SEC22B: variants seen among roughly 807,000 people sequenced by gnomAD.
The protein encoded by SEC22B is SEC22 homolog B, vesicle trafficking protein, also known as vesicle-trafficking protein SEC22b.
A neutral mutation model predicts 31.4 loss-of-function variants in SEC22B; 10 were observed. That is an observed-to-expected ratio of 0.32 (90% CI 0.20 to 0.54). SEC22B has a LOEUF of 0.54. Among genes scored for constraint, SEC22B ranks in the 20% least tolerant of loss-of-function variants. The pLI is 0.94. For synonymous variants in SEC22B, 60 were observed against 95.9 expected (o/e 0.63, Z 2.19); for missense variants, 130 against 263.4 (o/e 0.49, Z 3.50).
intron 2 of SEC22B, among the ~76,000 whole-genome samples, chr1:120,164,835 T>C (rs1398415623): frequency 1.3e-5 from 2 of 152,088 alleles, no homozygotes; most frequent in East Asian, 1.9e-4. Context: ...GAAAAATCTC[T>C]AAACTGCTTT....
intron 3 of SEC22B, 123 bp from the exon 4 acceptor site, chr1:120,160,653 G>T (rs1417602496): frequency 3.9e-5 from 23 of 584,804 alleles, no homozygotes; most frequent in Non-Finnish European, 5.3e-5. Context: ...ACTTTGGGAG[G>T]CCAAGGCAGG....
At chr1:120,166,391 T>A (rs1223491704) in intron 2 of SEC22B, among the ~76,000 whole-genome samples, 1 of 98,380 alleles carries the variant, frequency 1.0e-5, no homozygotes, top group East Asian at 2.8e-4. Flanking sequence ...TTTAAAAGTG[T>A]TTTTTACACA....
At position 120,176,294 on chromosome 1, in the gene SEC22B, G is replaced by A; in HGVS notation, c.75+13C>T. ...AGAGACTTGGGGTCGCGGGTCGTGA[G>A]TAAGCAGCTCACCTGTTCGTCCTCC... is the stretch of plus-strand genomic sequence containing the variant. On this transcript the variant is annotated intron_variant, in intron 1 of 4. Coordinates refer to ENST00000578049, the MANE Select transcript of SEC22B (RefSeq NM_004892.6). 2 of 1,607,980 alleles carry A rather than the reference G, an allele frequency of 1.2e-6. No individual in the cohort carries two copies. The highest frequency in any genetic ancestry group is 1.7e-6 in the Non-Finnish European group (2 of 1,179,172).
rs1334476505 is a variant in SEC22B at position 120,151,871 on chromosome 1, G to C, written c.*5167C>G. The C allele has an allele frequency of 1.3e-5, 2 of 151,846 alleles. No individual in the cohort carries two copies. 9.4% of individuals were successfully genotyped at this position (151,846 alleles called of 1,614,324 possible). A position where few individuals can be genotyped will look rare whatever the true frequency, so the allele number is the denominator to read the frequency against. ...AAATTTTTGGTTAATAGTCTAGTTA[G>C]AGGTGAAAGAAGAAAGCAGAGGAGT... On this transcript the variant is annotated 3_prime_UTR_variant, in exon 5 of 5. Coordinates refer to ENST00000578049, the MANE Select transcript of SEC22B (RefSeq NM_004892.6).
chr1:120,168,157 T>C (rs1397690397), intron 2 of SEC22B, among the ~76,000 whole-genome samples: 13 of 152,076 alleles, frequency 8.5e-5, no homozygotes, highest in African/African-American at 2.9e-4. Context: ...AATCCGTTTT[T>C]ATTTTCCTCT....
chr1:120,173,080 CA>C (rs1284907467), intron 1 of SEC22B, among the ~76,000 whole-genome samples: 1 of 143,220 alleles, frequency 7.0e-6, no homozygotes, highest in Non-Finnish European at 1.5e-5. Flanking sequence ...CTCAGCTGGT[CA>C]AAGACCAGCA....
chr1:120,157,732 A>T (rs1185347576), intron 4 of SEC22B: 3 of 148,656 alleles, frequency 2.0e-5, no homozygotes, highest in Non-Finnish European at 2.9e-5. Context: ...AAATTCAATT[A>T]ACCAAACACA....
intron 2 of SEC22B, among the ~76,000 whole-genome samples, chr1:120,164,389 A>G (rs1358986274): frequency 1.4e-5 from 2 of 145,176 alleles, no homozygotes; most frequent in Admixed American, 7.0e-5. Flanking sequence ...TCACCCAAGT[A>G]CTAAGCATAC....
chr1:120,164,023 T>A (rs1442613170), intron 2 of SEC22B, among the ~76,000 whole-genome samples: 1 of 132,316 alleles, frequency 7.6e-6, no homozygotes, highest in East Asian at 2.2e-4. Context: ...TGCAGTGGCA[T>A]GATCTCAGTT....
Position 120,153,887 on chromosome 1 carries a change from A to G in SEC22B, c.*3151T>C, listed in dbSNP as rs1335342148. On this transcript the variant is annotated 3_prime_UTR_variant, in exon 5 of 5. Coordinates refer to ENST00000578049, the MANE Select transcript of SEC22B (RefSeq NM_004892.6). ...TCTAGAGTAATGGCACATACCTTTC[A>G]TCAGATTTTCAAAGGTTTCTCAAAA... The G allele has an allele frequency of 6.6e-6, 1 of 150,728 alleles. No individual in the cohort carries two copies. The highest frequency in any genetic ancestry group is 1.5e-5 in the Non-Finnish European group (1 of 67,784). The allele number at this position is 150,728 out of a possible 1,614,324, so 9.3% of individuals were successfully genotyped here.
intron 3 of SEC22B, among the ~76,000 whole-genome samples, chr1:120,162,047 A>G (rs1265540112): frequency 7.1e-6 from 1 of 141,356 alleles, no homozygotes; most frequent in Non-Finnish European, 1.5e-5. Context: ...CTTTCAGAGA[A>G]GGAAATAACC....
At chr1:120,157,661 TTC>T (rs1482655973) in intron 4 of SEC22B, 1 of 138,828 alleles carries the variant, frequency 7.2e-6, no homozygotes, top group Admixed American at 6.8e-5. Context: ...CTGAATCATA[TTC>T]TCTTATATTT....
chr1:120,160,343 A>C, intron 4 of SEC22B, 41 bp downstream of exon 4: 1 of 1,494,668 alleles, frequency 6.7e-7, no homozygotes. Context: ...TGTCTATGGA[A>C]TGAGAACCAT....
intron 3 of SEC22B, among the ~76,000 whole-genome samples, chr1:120,162,819 A>G (rs1176954452): frequency 4.6e-5 from 7 of 152,046 alleles, no homozygotes; most frequent in Admixed American, 4.6e-4. Flanking sequence ...TGATTTCCCA[A>G]TTCTGATCTC....
rs587673382 is a variant in SEC22B, at chr1:120,150,919, T to C, written c.*6119A>G. On this transcript the variant is annotated 3_prime_UTR_variant, in exon 5 of 5. Coordinates refer to ENST00000578049, the MANE Select transcript of SEC22B (RefSeq NM_004892.6). ...GTTTGTGCAAACAAAAAGCGCAAAATAGAAGAGGCAGCATTGTTTTATAAC... is the reference window on the plus strand; with the variant it reads ...GTTTGTGCAAACAAAAAGCGCAAAACAGAAGAGGCAGCATTGTTTTATAAC... 8.5e-5 allele frequency: 13 copies of C among 152,078 alleles called. No homozygotes were observed. The highest frequency in any genetic ancestry group is 1.9e-4 in the East Asian group (1 of 5,188). 9.4% of individuals were successfully genotyped at this position (152,078 alleles called of 1,614,324 possible).
rs1266889545 is a variant in SEC22B at position 120,156,702 on chromosome 1, T to C, written c.*336A>G. On this transcript the variant is annotated 3_prime_UTR_variant, in exon 5 of 5. Coordinates refer to ENST00000578049, the MANE Select transcript of SEC22B (RefSeq NM_004892.6). ...CACAGGTTGACTAAGTTAAATCTCA[T>C]TGATGGCTCCATCAGAGAATGAGAA... The C allele has an allele frequency of 1.7e-4, 30 of 181,468 alleles. No homozygotes were observed. The highest frequency in any genetic ancestry group is 2.0e-3 in the Middle Eastern group (1 of 494). The allele number at this position is 181,468 out of a possible 1,614,324, so 11.2% of individuals were successfully genotyped here.
chr1:120,168,474 A>G (rs1156789084), intron 2 of SEC22B, among the ~76,000 whole-genome samples: 1 of 152,062 alleles, frequency 6.6e-6, no homozygotes, highest in East Asian at 1.9e-4. Flanking sequence ...TATTTTCACT[A>G]CTTTATAGAG....
chr1:120,157,128 G>C lies in SEC22B; in HGVS notation c.558C>G (p.Tyr186Ter). The change falls in exon 5 of 5, where the codon TAC (tyrosine) becomes TAG (stop). Residue 186 changes from tyrosine (Y) to a stop codon, truncating the protein, a stop_gained. Coordinates refer to ENST00000578049, the MANE Select transcript of SEC22B (RefSeq NM_004892.6). LOFTEE classifies it high-confidence loss of function. ...LSKKYRQDAK[Y>*]LNMRSTYAKL... ...TGGCATAAGTGGAACGCATGTTCAA[G>C]TACTTCGCATCCTGGCGGTATTTCT... 6.3e-7 allele frequency: 1 copy of C among 1,586,048 alleles called. No individual in the cohort carries two copies. The highest frequency in any genetic ancestry group is 1.2e-5 in the South Asian group (1 of 86,542).
chr1:120,163,588 T>C (rs1345983856), intron 2 of SEC22B, among the ~76,000 whole-genome samples: 1 of 144,312 alleles, frequency 6.9e-6, no homozygotes, highest in Non-Finnish European at 1.5e-5. Context: ...TTTTCTTTTT[T>C]TTTTTGAGAC....
Sources: allele counts gnomAD v4.1 joint callset (sites outside exome capture counted in the v4.1 genomes callset), GRCh38; gene constraint gnomAD v4.1.1; transcripts MANE v1.5; gene names NCBI Gene and HGNC (gene_info 2026-07-23, HGNC 2026-07-21).